LUC7L2: variants seen among roughly 807,000 people sequenced by gnomAD.
The protein encoded by LUC7L2 is putative RNA-binding protein Luc7-like 2.
In LUC7L2, 25 loss-of-function variants were observed where a neutral mutation model predicts 52.8. The ratio of observed to expected loss-of-function variants is 0.47; its 90% confidence interval spans 0.34 to 0.66. The LOEUF (loss-of-function observed/expected upper bound fraction) is 0.66, where lower values mean the gene tolerates loss of function less well. Among genes scored for constraint, LUC7L2 ranks in the 30% least tolerant of loss-of-function variants. The probability of loss-of-function intolerance (pLI) is 0.01; values close to 1 mark genes in which losing one functional copy is unlikely to be tolerated. For synonymous variants in LUC7L2, 144 were observed against 160.9 expected (o/e 0.89, Z 0.80); for missense variants, 328 against 497.8 (o/e 0.66, Z 3.25).
chr7:139,369,707 C>CATT (rs10693574), intron 1 of LUC7L2, among the ~76,000 whole-genome samples: 58,620 of 151,924 alleles, frequency 0.39, 15,833 homozygotes, highest in African/African-American at 0.77. Context: ...ATTTTAAAAA[C>CATT]ATTAATCTTT....
At chr7:139,355,413 T>C (rs1172226400), upstream of LUC7L2, among the ~76,000 whole-genome samples, 3 of 152,036 alleles carry the variant, frequency 2.0e-5, no homozygotes, top group Non-Finnish European at 2.9e-5. Context: ...AGAAAAGACT[T>C]CATATGTGAG....
chr7:139,360,539 G>T (rs1023948028), intron 1 of LUC7L2, among the ~76,000 whole-genome samples: 2 of 152,234 alleles, frequency 1.3e-5, no homozygotes, highest in Middle Eastern at 3.2e-3. Flanking sequence ...TGCCAATGGG[G>T]TGAGGCGGGG....
Position 139,417,627 on chromosome 7 carries a change from G to A in LUC7L2, c.899G>A (p.Arg300His), listed in dbSNP as rs761427902. ...RRTRSKSREK[R>H]HRHRSRSSSR... The stretch of plus-strand genomic sequence containing the variant: ...ACTCGATCCAAATCTCGGGAGAAAC[G>A]CCATCGCCACAGGTCCCGCTCCAGC... Residue 300 changes from arginine (R) to histidine (H), a missense_variant, in exon 9 of 10, where the codon CGC becomes CAC. Around this residue, in one of 2 missense-constraint regions of LUC7L2, gnomAD observed 195 missense variants for 223.3 expected, o/e 0.87. Coordinates refer to ENST00000354926, the MANE Select transcript of LUC7L2 (RefSeq NM_016019.5). The A allele has an allele frequency of 1.7e-5, 28 of 1,614,126 alleles. No individual in the cohort carries two copies. The South Asian group carries it at 2.6e-4, about 15-fold the overall frequency.
chr7:139,366,255 C>T (rs2131189989), intron 1 of LUC7L2, among the ~76,000 whole-genome samples: 1 of 152,284 alleles, frequency 6.6e-6, no homozygotes, highest in East Asian at 1.9e-4. Context: ...ACTTATTTGA[C>T]TCAACATGAA....
At chr7:139,372,210 G>T (rs1800486522) in intron 1 of LUC7L2, among the ~76,000 whole-genome samples, 1 of 151,860 alleles carries the variant, frequency 6.6e-6, no homozygotes, top group African/African-American at 2.4e-5. Context: ...GTTGACAGAA[G>T]TAACTTCGCC....
In LUC7L2 at chr7:139,381,728, C is replaced by T. The variant is rs190544431; in HGVS notation, c.156+5572C>T. Among the ~76,000 whole-genome samples the T allele has an allele frequency of 1.4e-4, 21 of 151,946 alleles. No individual in the cohort carries two copies. In the East Asian group the frequency reaches 2.3e-3, roughly 17 times the overall value. ...AGTAGCTGAGATTACAGACACACGCCACCATGCCTGCCTAATTTTGTATTT... is the reference window on the plus strand; with the variant it reads ...AGTAGCTGAGATTACAGACACACGCTACCATGCCTGCCTAATTTTGTATTT... On this transcript the variant is annotated intron_variant, in intron 2 of 9. Transcript: ENST00000354926.
chr7:139,358,496 C>G (rs957494030), upstream of LUC7L2, among the ~76,000 whole-genome samples: 3 of 151,812 alleles, frequency 2.0e-5, no homozygotes, highest in Non-Finnish European at 4.4e-5. Flanking sequence ...ATTCTTCTTA[C>G]AGTTTTAAAT....
At chr7:139,379,746 A>AGCTTCATCTT (rs1308989568) in intron 2 of LUC7L2, among the ~76,000 whole-genome samples, 5 of 151,032 alleles carry the variant, frequency 3.3e-5, no homozygotes, top group African/African-American at 1.2e-4. Context: ...TTGCATTTTT[A>AGCTTCATCTT]GTAGAGACAG....
chr7:139,350,868 G>A, intron 1 of LUC7L2, among the ~76,000 whole-genome samples: 1 of 151,924 alleles, frequency 6.6e-6, no homozygotes, highest in East Asian at 1.9e-4. Flanking sequence ...TAGAGATGGG[G>A]TTTCACCATG....
At chr7:139,360,356 G>A (rs1799803460) in intron 1 of LUC7L2, 34 bp downstream of exon 1, 6 of 1,538,522 alleles carry the variant, frequency 3.9e-6, no homozygotes, top group Non-Finnish European at 5.3e-6. Flanking sequence ...GGGTGGGGGA[G>A]GGGACGGGGA....
At chr7:139,383,264 C>T (rs374287305) in intron 2 of LUC7L2, among the ~76,000 whole-genome samples, 18 of 150,702 alleles carry the variant, frequency 1.2e-4, no homozygotes, top group Admixed American at 5.3e-4. Context: ...TACAGGCATG[C>T]GCCACCACAC....
chr7:139,347,292 C>G (rs1352963410), intron 1 of LUC7L2, among the ~76,000 whole-genome samples: 2 of 152,166 alleles, frequency 1.3e-5, no homozygotes, highest in Non-Finnish European at 2.9e-5. Context: ...CAGAACTATT[C>G]ATAAAGCAGT....
chr7:139,407,000 G>GTTTT (rs779013466), intron 5 of LUC7L2, among the ~76,000 whole-genome samples, 174 bp from the exon 6 acceptor site: 10,517 of 110,210 alleles, frequency 0.095, 1,505 homozygotes, highest in African/African-American at 0.28. Flanking sequence ...ATGCTTTTGT[G>GTTTT]GTTTTTTTTT....
At chr7:139,414,207 A>G (rs1585133447) in intron 8 of LUC7L2, among the ~76,000 whole-genome samples, 1 of 152,336 alleles carries the variant, frequency 6.6e-6, no homozygotes, top group South Asian at 2.1e-4. Context: ...AATACATCAC[A>G]TCAGCCCTCT....
At position 139,407,000 on chromosome 7, in the gene LUC7L2, G is replaced by GTTTTTTTTT. The variant is rs779013466; in HGVS notation, c.511-174_511-173insTTTTTTTTT. On this transcript the variant is annotated intron_variant, in intron 5 of 9. Coordinates refer to ENST00000354926, the MANE Select transcript of LUC7L2 (RefSeq NM_016019.5). ...CATAACAAAATAGCCATGCTTTTGT[G>GTTTTTTTTT]GTTTTTTTTTTTTTTTTTTTTTGAG... 6.3e-4 allele frequency among the ~76,000 whole-genome samples: 70 copies of GTTTTTTTTT among 111,594 alleles called. 10 individuals are homozygous for GTTTTTTTTT. Among genetic ancestry groups the GTTTTTTTTT allele is most frequent in the African/African-American group, 2.2e-3 (59 of 26,604 alleles). The allele number at this position is 111,594 out of a possible 152,430, so 73.2% of individuals were successfully genotyped here. A position where few individuals can be genotyped will look rare whatever the true frequency, so the allele number is the denominator to read the frequency against.
At chr7:139,362,622 C>CTTT (rs79177935) in intron 1 of LUC7L2, among the ~76,000 whole-genome samples, 10 of 114,452 alleles carry the variant, frequency 8.7e-5, no homozygotes, top group African/African-American at 4.0e-4. Flanking sequence ...CAACTCTGTC[C>CTTT]TTTTTTTTTT....
intron 2 of LUC7L2, among the ~76,000 whole-genome samples, chr7:139,395,003 T>G (rs991312962): frequency 1.3e-5 from 2 of 152,220 alleles, no homozygotes; most frequent in Non-Finnish European, 2.9e-5. Flanking sequence ...AAAGCTTCCA[T>G]CAATATTATG....
chr7:139,390,617 A>G (rs6979489), intron 2 of LUC7L2, among the ~76,000 whole-genome samples: 56,426 of 147,644 alleles, frequency 0.38, 15,057 homozygotes, highest in African/African-American at 0.77. Context: ...GTGCAGTGGC[A>G]CGATCTCGGC....
Position 139,422,555 on chromosome 7 carries a change from G to C in LUC7L2, c.*215G>C. 1 of 983,980 alleles carries C rather than the reference G, an allele frequency of 1.0e-6. No individual in the cohort carries two copies. Among genetic ancestry groups the C allele is most frequent in the Non-Finnish European group, 1.3e-6 (1 of 750,730 alleles). 61.0% of individuals were successfully genotyped at this position (983,980 alleles called of 1,614,324 possible). A position where few individuals can be genotyped will look rare whatever the true frequency, so the allele number is the denominator to read the frequency against. ...TCTGGTGAACCTGTAATACAGTTCT[G>C]AAAGTACAGTTTTATATAATAAGAT... is the stretch of plus-strand genomic sequence containing the variant. On this transcript the variant is annotated 3_prime_UTR_variant, in exon 10 of 10. Transcript: ENST00000354926.
Sources: gnomAD v4.1 joint callset for allele counts (sites outside exome capture counted in the v4.1 genomes callset) on GRCh38, gnomAD v4.1.1 for gene constraint, gnomAD v4.1.1 regional missense constraint, MANE v1.5 for transcripts, NCBI Gene and HGNC (gene_info 2026-07-23, HGNC 2026-07-21) for gene names.